WNK1: variants seen among roughly 807,000 people sequenced by gnomAD.
WNK1 encodes the protein serine/threonine-protein kinase WNK1.
A neutral mutation model predicts 222.8 loss-of-function variants in WNK1; 38 were observed. The ratio of observed to expected loss-of-function variants is 0.17; its 90% CI spans 0.13 to 0.22. The LOEUF (loss-of-function observed/expected upper bound fraction) is 0.22, where lower values mean the gene tolerates loss of function less well. WNK1 is among the 10% of genes least tolerant of loss of function. The pLI is 1.00. For synonymous variants in WNK1, 1,090 were observed against 1,092.9 expected, an observed-to-expected ratio of 1.00 and a Z score of 0.05; for missense variants, 2,348 against 2,918.4, an observed-to-expected ratio of 0.80 and a Z score of 4.50.
At chr12:791,788 CTAATCT>C (rs1458364803) in intron 1 of WNK1, among the ~76,000 whole-genome samples, 1 of 151,938 alleles carries the variant, frequency 6.6e-6, no homozygotes, top group Non-Finnish European at 1.5e-5. Context: ...TTTTTTATCT[CTAATCT>C]TAAATTGGGG....
Position 908,050 on chromosome 12 carries a change from G to C in WNK1, c.6831+16G>C, listed in dbSNP as rs1423545564. The C allele has an allele frequency of 2.5e-6, 4 of 1,613,710 alleles. No homozygotes were observed. In the South Asian group the frequency reaches 3.3e-5, roughly 13 times the overall value. On this transcript the variant is annotated intron_variant, in intron 27 of 27. Coordinates refer to ENST00000315939, the MANE Select transcript of WNK1 (RefSeq NM_018979.4). ...GAATTACGAGGTAAGTCTCTCTTTT[G>C]CCGCAGAGAATCCGTAACACACATC...
At chr12:877,369 GT>G (rs1356830089) in intron 9 of WNK1, among the ~76,000 whole-genome samples, 1 of 152,076 alleles carries the variant, frequency 6.6e-6, no homozygotes, top group Non-Finnish European at 1.5e-5. Context: ...CCAGCCTCAA[GT>G]TTTTATTTGT....
At position 776,999 on chromosome 12, in the gene WNK1, C is replaced by T. The variant is rs542409970; in HGVS notation, c.759+22675C>T. 2.0e-5 allele frequency among the ~76,000 whole-genome samples: 3 copies of T among 152,054 alleles called. No homozygotes were observed. The South Asian group carries it at 6.2e-4, about 32-fold the overall frequency. On this transcript the variant is annotated intron_variant, in intron 1 of 27. Coordinates refer to ENST00000315939, the MANE Select transcript of WNK1 (RefSeq NM_018979.4). ...AGATAAAAAGACTGTACTAAATGAC[C>T]TCTTGGTCCCTTTATTGTTACTATT...
chr12:759,066 T>A (rs1351300254), intron 1 of WNK1, among the ~76,000 whole-genome samples: 7 of 147,000 alleles, frequency 4.8e-5, no homozygotes, highest in Admixed American at 4.7e-4. Context: ...AGTTCATCCC[T>A]ATGGAAACAT....
In WNK1 at chr12:864,856, A is replaced by G. The variant is rs77978721; in HGVS notation, c.2139+2586A>G. On this transcript the variant is annotated intron_variant, in intron 8 of 27. Coordinates refer to ENST00000315939, the MANE Select transcript of WNK1 (RefSeq NM_018979.4). ...TTGGTGTTATTTCAGAATATTTAGC[A>G]TGATAACTGATCATTATCATGATCA... Among the ~76,000 whole-genome samples the G allele has an allele frequency of 0.08, 12,154 of 152,156 alleles. 1,081 individuals carry two copies. The highest frequency in any genetic ancestry group is 0.2 in the African/African-American group (8,485 of 41,484).
intron 4 of WNK1, among the ~76,000 whole-genome samples, chr12:840,291 C>CTT (rs71441622): frequency 4.0e-4 from 52 of 128,410 alleles, no homozygotes; most frequent in African/African-American, 9.1e-4. Flanking sequence ...CCATGTCCAG[C>CTT]TTTTTTTTTT....
In WNK1 at chr12:753,921, C is replaced by A; in HGVS notation, c.356C>A (p.Pro119His). The change falls in exon 1 of 28, where the codon CCC (proline) becomes CAC (histidine). Residue 119 changes from proline to histidine, a missense_variant. Physicochemically the swap from Pro to His is moderately conservative, Grantham distance 77 (BLOSUM62 -2). Around this residue, in one of 13 missense-constraint regions of WNK1, gnomAD observed 185 missense variants for 159.2 expected, o/e 1.16. Coordinates refer to ENST00000315939, the MANE Select transcript of WNK1 (RefSeq NM_018979.4). The surrounding 1 kb of genome is among the most constrained non-coding windows in gnomAD (Gnocchi z 5.2). Reference protein sequence around the residue: ...AAVPQSAPPEPHREETVTATA... With the variant: ...AAVPQSAPPEHHREETVTATA... The stretch of plus-strand genomic sequence containing the variant: ...GTCCCGCAGAGTGCTCCACCGGAGC[C>A]CCACCGGGAAGAGACCGTGACCGCC... 6.2e-7 allele frequency: 1 copy of A among 1,608,426 alleles called. No individual in the cohort carries two copies. The highest frequency in any genetic ancestry group is 8.5e-7 in the Non-Finnish European group (1 of 1,177,788).
Position 807,805 on chromosome 12 carries a change from C to A in WNK1, c.760-5837C>A, listed in dbSNP as rs529913935. Among the ~76,000 whole-genome samples, 146 of 150,332 alleles carry A rather than the reference C, an allele frequency of 9.7e-4. 2 individuals are homozygous for A. Among genetic ancestry groups the A allele is most frequent in the South Asian group, 7.8e-3 (37 of 4,734 alleles). On this transcript the variant is annotated intron_variant, in intron 1 of 27. Transcript: ENST00000315939. ...CGCAATCTCGGCTCACTGCAAGCTC[C>A]GCCTCCCGGGTTCACGCCATTCTCC...
At chr12:805,849 A>G (rs986214385) in intron 1 of WNK1, among the ~76,000 whole-genome samples, 1 of 152,248 alleles carries the variant, frequency 6.6e-6, no homozygotes, top group African/African-American at 2.4e-5. Context: ...TACATGAGCC[A>G]CAATATACAT....
At chr12:877,221 G>A (rs749274839) in intron 9 of WNK1, among the ~76,000 whole-genome samples, 1 of 151,880 alleles carries the variant, frequency 6.6e-6, no homozygotes, top group Non-Finnish European at 1.5e-5. Flanking sequence ...GTGCCACCAC[G>A]CCCGGCTAAT....
At chr12:802,312 T>G (rs1461481743) in intron 1 of WNK1, among the ~76,000 whole-genome samples, 3 of 152,250 alleles carry the variant, frequency 2.0e-5, no homozygotes, top group Admixed American at 2.0e-4. Context: ...GTTATTAGTT[T>G]TGGCATAACA....
intron 1 of WNK1, among the ~76,000 whole-genome samples, chr12:783,329 C>G (rs982590246): frequency 2.6e-5 from 4 of 152,070 alleles, no homozygotes; most frequent in African/African-American, 9.7e-5. Flanking sequence ...CGGTTCACAC[C>G]AGCAACATTT....
At chr12:764,469 C>T (rs1411177694) in intron 1 of WNK1, among the ~76,000 whole-genome samples, 1 of 144,740 alleles carries the variant, frequency 6.9e-6, no homozygotes, top group African/African-American at 2.5e-5. Context: ...AACCCCGTCT[C>T]TACTAAAAAT....
chr12:785,043 A>G (rs1245092093), intron 1 of WNK1, among the ~76,000 whole-genome samples: 1 of 152,230 alleles, frequency 6.6e-6, no homozygotes. Context: ...GAAATAATTT[A>G]TTTCAGAATT....
intron 8 of WNK1, among the ~76,000 whole-genome samples, chr12:862,652 A>G (rs72648695): frequency 5.4e-4 from 82 of 152,324 alleles, no homozygotes; most frequent in Non-Finnish European, 8.8e-4. Flanking sequence ...AAGATTCCCT[A>G]TTGTACAAAA....
Position 885,130 on chromosome 12 carries a change from T to G in WNK1, c.4326T>G (p.Val1442=), listed in dbSNP as rs1364330981. Residue 1442 remains valine, a synonymous_variant, in exon 19 of 28, where the codon GTT becomes GTG. Coordinates refer to ENST00000315939, the MANE Select transcript of WNK1 (RefSeq NM_018979.4). ...CCACATCCACATCTGAGATCGTTGT[T>G]TCTAGTACAGCACTGTATCCTTCAG... ...QVPTSTSEIV[V]SSTALYPSVT... The G allele has an allele frequency of 6.2e-7, 1 of 1,614,180 alleles. No homozygotes were observed. The highest frequency in any genetic ancestry group is 8.5e-7 in the Non-Finnish European group (1 of 1,180,022).
intron 1 of WNK1, among the ~76,000 whole-genome samples, chr12:802,554 C>T (rs1247783656): frequency 3.3e-5 from 5 of 152,072 alleles, no homozygotes; most frequent in African/African-American, 1.2e-4. Context: ...ATTGTTGAAG[C>T]CCTGATACTA....
intron 12 of WNK1, 34 bp downstream of exon 12, chr12:881,033 C>A (rs774544948): frequency 6.1e-5 from 99 of 1,612,598 alleles, no homozygotes; most frequent in Non-Finnish European, 7.7e-5. Context: ...ATATGTAAAA[C>A]GTATATATGT....
chr12:826,769 A>G (rs1948390608), intron 2 of WNK1, among the ~76,000 whole-genome samples: 6 of 152,148 alleles, frequency 3.9e-5, no homozygotes, highest in Admixed American at 3.9e-4. Context: ...TTGATCTCCC[A>G]TTTCTTTAAG....
Sources: allele counts gnomAD v4.1 joint callset (sites outside exome capture counted in the v4.1 genomes callset), GRCh38; gene constraint gnomAD v4.1.1; regional missense constraint gnomAD v4.1.1; non-coding constraint Gnocchi (gnomAD v3.1); transcripts MANE v1.5; gene names NCBI Gene and HGNC (gene_info 2026-07-23, HGNC 2026-07-21).